ZNF804B: variants seen among roughly 807,000 people sequenced by gnomAD.
The protein encoded by ZNF804B is zinc finger 804B.
ZNF804B carries 80 observed loss-of-function variants against 101.4 expected under a neutral mutation model. The observed-to-expected ratio is 0.79, with a 90% CI of 0.66 to 0.95. ZNF804B has a LOEUF of 0.95. ZNF804B is among the 40% of genes least tolerant of loss of function. ZNF804B has a pLI of 0.00. For synonymous variants in ZNF804B, 622 were observed against 558.8 expected, an observed-to-expected ratio of 1.11 and a Z score of -1.59; for missense variants, 1,673 against 1,561.9, an observed-to-expected ratio of 1.07 and a Z score of -1.20.
At chr7:88,892,431 T>C (rs368431949) in intron 1 of ZNF804B, among the ~76,000 whole-genome samples, 2 of 152,258 alleles carry the variant, frequency 1.3e-5, no homozygotes, top group South Asian at 2.1e-4. Context: ...TATAAACAAG[T>C]TTTTTCCTTC....
At chr7:89,200,435 T>A (rs900237343) in intron 1 of ZNF804B, among the ~76,000 whole-genome samples, 21 of 152,004 alleles carry the variant, frequency 1.4e-4, no homozygotes, top group African/African-American at 4.1e-4. Flanking sequence ...AAATCTCCTC[T>A]TAAATTTACT....
intron 1 of ZNF804B, among the ~76,000 whole-genome samples, chr7:89,168,312 C>CTG (rs979316838): frequency 1.4e-4 from 18 of 127,364 alleles, no homozygotes; most frequent in African/African-American, 4.9e-4. Flanking sequence ...TGTGTGTGTA[C>CTG]TGTGTGTGTG....
chr7:89,120,379 C>A (rs1460962718), intron 1 of ZNF804B, among the ~76,000 whole-genome samples: 1 of 152,016 alleles, frequency 6.6e-6, no homozygotes. Context: ...AAAATCTGGC[C>A]GGGTGCGGTG....
intron 1 of ZNF804B, among the ~76,000 whole-genome samples, chr7:88,964,300 G>C (rs145210463): frequency 2.5e-4 from 38 of 151,562 alleles, no homozygotes; most frequent in African/African-American, 8.0e-4. Context: ...CAACAGATGA[G>C]TGAATAAACA....
At chr7:89,271,821 T>G (rs1245535494) in intron 2 of ZNF804B, among the ~76,000 whole-genome samples, 1 of 152,174 alleles carries the variant, frequency 6.6e-6, no homozygotes, top group East Asian at 1.9e-4. Flanking sequence ...TCCAGAAATT[T>G]ATCCATTTCT....
At chr7:89,315,958 G>T (rs1032505161) in intron 2 of ZNF804B, among the ~76,000 whole-genome samples, 1 of 152,146 alleles carries the variant, frequency 6.6e-6, no homozygotes, top group Non-Finnish European at 1.5e-5. Context: ...TGTCTGCATT[G>T]TAGGAATTAT....
At chr7:89,316,250 C>T (rs1040773437) in intron 2 of ZNF804B, among the ~76,000 whole-genome samples, 12 of 151,972 alleles carry the variant, frequency 7.9e-5, no homozygotes, top group African/African-American at 1.2e-4. Context: ...CATACTTGAA[C>T]CCTAATAAAA....
chr7:88,854,778 C>A (rs573614191), intron 1 of ZNF804B, among the ~76,000 whole-genome samples: 23 of 128,608 alleles, frequency 1.8e-4, no homozygotes, highest in Non-Finnish European at 3.2e-4. Flanking sequence ...CAACAGGCCC[C>A]AGTGTGTGAT....
chr7:88,939,988 A>G (rs753347407), intron 1 of ZNF804B, among the ~76,000 whole-genome samples: 3 of 152,040 alleles, frequency 2.0e-5, no homozygotes, highest in Non-Finnish European at 4.4e-5. Flanking sequence ...ATCTTATCAA[A>G]CAGACAAAAG....
intron 2 of ZNF804B, among the ~76,000 whole-genome samples, chr7:89,243,343 G>T (rs1230007084): frequency 6.6e-6 from 1 of 151,658 alleles, no homozygotes; most frequent in East Asian, 1.9e-4. Context: ...AAGAAATAAT[G>T]GGGCTTCTCT....
rs1788382638 is a variant in ZNF804B, at chr7:89,007,446, T to TATATATATATA, written c.109-210709_109-210708insATATATATATA. ...ATGTTATCTAAAGTTATCCATGATT[T>TATATATATATA]TATATATATATATATATATATATAT... On this transcript the variant is annotated intron_variant, in intron 1 of 3. Coordinates refer to ENST00000333190, the MANE Select transcript of ZNF804B (RefSeq NM_181646.5). Among the ~76,000 whole-genome samples the TATATATATATA allele has an allele frequency of 4.8e-3, 273 of 57,194 alleles. 10 individuals are homozygous for TATATATATATA. The highest frequency in any genetic ancestry group is 6.8e-3 in the Non-Finnish European group (216 of 31,614). 37.5% of individuals were successfully genotyped at this position (57,194 alleles called of 152,430 possible). A position where few individuals can be genotyped will look rare whatever the true frequency, so the allele number is the denominator to read the frequency against.
intron 1 of ZNF804B, among the ~76,000 whole-genome samples, chr7:88,925,576 G>C (rs927849786): frequency 6.6e-6 from 1 of 152,124 alleles, no homozygotes; most frequent in African/African-American, 2.4e-5. Context: ...GAGAGGCCTT[G>C]GGAGAAGATA....
intron 1 of ZNF804B, among the ~76,000 whole-genome samples, chr7:88,822,795 A>T (rs1046378513): frequency 2.2e-4 from 33 of 152,222 alleles, no homozygotes. Context: ...ATTTAGTCAC[A>T]TCATTTGTTT....
chr7:89,128,957 G>C (rs1341467435), intron 1 of ZNF804B, among the ~76,000 whole-genome samples: 1 of 151,982 alleles, frequency 6.6e-6, no homozygotes, highest in Non-Finnish European at 1.5e-5. Context: ...GTGTTTCTGA[G>C]AGTGTGGTCT....
chr7:88,947,791 T>G (rs1793159279), intron 1 of ZNF804B, among the ~76,000 whole-genome samples: 1 of 151,780 alleles, frequency 6.6e-6, no homozygotes, highest in South Asian at 2.1e-4. Flanking sequence ...CCCAAACAAT[T>G]CTGGTCCCAA....
At position 89,307,519 on chromosome 7, in the gene ZNF804B, T is replaced by C. The variant is rs17168335; in HGVS notation, c.250-19825T>C. Among the ~76,000 whole-genome samples the C allele has an allele frequency of 1.0e-2, 1,519 of 152,138 alleles. 29 individuals are homozygous for C. Among genetic ancestry groups the C allele is most frequent in the African/African-American group, 0.034 (1,431 of 41,548 alleles). ...GCTCTTCCCACGTATTTATGAAATA[T>C]ATTGCCACTTAAATTATAAATTTGA... On this transcript the variant is annotated intron_variant, in intron 2 of 3. Transcript: ENST00000333190.
In ZNF804B at chr7:89,218,203, G is replaced by A. The variant is rs539415960; in HGVS notation, c.157G>A (p.Ala53Thr). 3.1e-6 allele frequency: 5 copies of A among 1,613,792 alleles called. No individual in the cohort carries two copies. In the East Asian group the frequency reaches 8.9e-5, roughly 29 times the overall value. The stretch of plus-strand genomic sequence containing the variant: ...AGCAAAGGCCCTGGAAGATGTAAAG[G>A]CAAACTTTTACTGTGAATTATGTGA... ...STAKALEDVK[A>T]NFYCELCDKQ... is the part of the protein sequence containing the mutation. Residue 53 changes from alanine (A) to threonine (T), a missense_variant, in exon 2 of 4, where the codon GCA becomes ACA. By Grantham distance (58) the Ala-to-Thr change is moderately conservative (BLOSUM62 0). Coordinates refer to ENST00000333190, the MANE Select transcript of ZNF804B (RefSeq NM_181646.5).
intron 1 of ZNF804B, among the ~76,000 whole-genome samples, chr7:89,101,846 T>A (rs2116339439): frequency 6.6e-6 from 1 of 151,992 alleles, no homozygotes; most frequent in South Asian, 2.1e-4. Context: ...AATTTTTTAA[T>A]CCTCATCCCC....
chr7:88,785,449 A>G (rs1790286982), intron 1 of ZNF804B, among the ~76,000 whole-genome samples: 1 of 152,112 alleles, frequency 6.6e-6, no homozygotes, highest in South Asian at 2.1e-4. Context: ...AGGTGTATCT[A>G]TACAGTCTCG....
Sources: allele counts gnomAD v4.1 joint callset (sites outside exome capture counted in the v4.1 genomes callset), GRCh38; gene constraint gnomAD v4.1.1; transcripts MANE v1.5; gene names NCBI Gene and HGNC (gene_info 2026-07-23, HGNC 2026-07-21).